Variants in DSCAML1 observed in about 807,000 individuals in gnomAD.
The protein encoded by DSCAML1 is DS cell adhesion molecule like 1, also known as cell adhesion molecule DSCAML1.
Under a neutral mutation model 200.5 loss-of-function variants are expected in DSCAML1, and 38 were observed. That is an observed-to-expected ratio of 0.19 (90% CI 0.15 to 0.25). The LOEUF (loss-of-function observed/expected upper bound fraction) is 0.25, where lower values mean the gene tolerates loss of function less well. DSCAML1 is among the 10% of genes least tolerant of loss of function. The pLI, the probability that DSCAML1 is intolerant of heterozygous loss-of-function variation, is 1.00. For missense variants in DSCAML1, 2,223 were observed against 2,858.8 expected, an observed-to-expected ratio of 0.78 and a Z score of 5.07; for synonymous variants, 1,215 against 1,165.0, an observed-to-expected ratio of 1.04 and a Z score of -0.87.
intron 3 of DSCAML1, among the ~76,000 whole-genome samples, chr11:117,695,519 C>T (rs914601400): frequency 1.3e-5 from 2 of 151,858 alleles, no homozygotes. Context: ...AGAGCTCAGG[C>T]CAGAGCAAGT....
At chr11:117,718,425 T>A (rs2137788274) in intron 3 of DSCAML1, among the ~76,000 whole-genome samples, 1 of 152,322 alleles carries the variant, frequency 6.6e-6, no homozygotes, top group Admixed American at 6.5e-5. Context: ...ATAGGTGCAG[T>A]ATCTTTGGCC....
intron 3 of DSCAML1, among the ~76,000 whole-genome samples, chr11:117,764,752 G>A (rs896941247): frequency 1.3e-5 from 2 of 152,202 alleles, no homozygotes; most frequent in African/African-American, 2.4e-5. Context: ...CTAGGCCTGG[G>A]CAGTAGCAGC....
intron 3 of DSCAML1, among the ~76,000 whole-genome samples, chr11:117,540,780 A>C (rs186492196): frequency 6.6e-6 from 1 of 152,250 alleles, no homozygotes; most frequent in Non-Finnish European, 1.5e-5. Flanking sequence ...AACATGGCAC[A>C]TGTATGCCTC....
At chr11:117,509,159 T>C (rs934622094) in intron 8 of DSCAML1, among the ~76,000 whole-genome samples, 5 of 152,012 alleles carry the variant, frequency 3.3e-5, no homozygotes, top group African/African-American at 2.4e-5. Flanking sequence ...GATATACAGA[T>C]GCTGAGCTCA....
Position 117,468,787 on chromosome 11 carries a change from C to T in DSCAML1, c.3024+1123G>A, listed in dbSNP as rs894262638. Among the ~76,000 whole-genome samples, 12 of 152,262 alleles carry T rather than the reference C, an allele frequency of 7.9e-5. 1 individual carries two copies. Among genetic ancestry groups the T allele is most frequent in the Non-Finnish European group, 1.2e-4 (8 of 68,026 alleles). On this transcript the variant is annotated intron_variant, in intron 16 of 32. Transcript: ENST00000651296. ...GTGTGTGAGTGTGAGTGTGAGTGTG[C>T]GTGCACATGGTCTTAGGAAAAATAT...
At chr11:117,680,183 A>G (rs2053287687) in intron 3 of DSCAML1, among the ~76,000 whole-genome samples, 1 of 152,192 alleles carries the variant, frequency 6.6e-6, no homozygotes, top group Non-Finnish European at 1.5e-5. Context: ...CTCCTGAGCT[A>G]GAATGTGGCA....
At chr11:117,685,380 C>T (rs771891748) in intron 3 of DSCAML1, among the ~76,000 whole-genome samples, 17 of 152,328 alleles carry the variant, frequency 1.1e-4, no homozygotes, top group East Asian at 1.9e-4. Context: ...TAATTCCTTA[C>T]CTCCTCTCCC....
chr11:117,777,017 G>A (rs1477175474), intron 2 of DSCAML1, 80 bp from the exon 3 acceptor site: 1 of 1,445,384 alleles, frequency 6.9e-7, no homozygotes, highest in African/African-American at 1.4e-5. Flanking sequence ...CAGGGAGTCA[G>A]CTCAACTCCC....
chr11:117,816,418 T>C (rs2134093257), intron 1 of DSCAML1, among the ~76,000 whole-genome samples: 1 of 152,314 alleles, frequency 6.6e-6, no homozygotes, highest in Non-Finnish European at 1.5e-5. Flanking sequence ...TGGCCAGGCA[T>C]TTGTCAGGCA....
chr11:117,726,251 CTGTG>C (rs374321961), intron 3 of DSCAML1, among the ~76,000 whole-genome samples: 1 of 149,174 alleles, frequency 6.7e-6, no homozygotes, highest in Non-Finnish European at 1.5e-5. Flanking sequence ...GTGTGTATCT[CTGTG>C]TGTGTGTGTG....
chr11:117,734,664 G>A (rs761833780), intron 3 of DSCAML1, among the ~76,000 whole-genome samples: 8 of 152,154 alleles, frequency 5.3e-5, no homozygotes, highest in Non-Finnish European at 1.0e-4. Flanking sequence ...TCTGTTTCCT[G>A]TTCTCTTTTG....
At chr11:117,499,756 G>T (rs945603515) in intron 11 of DSCAML1, among the ~76,000 whole-genome samples, 4 of 152,226 alleles carry the variant, frequency 2.6e-5, no homozygotes, top group Admixed American at 2.6e-4. Flanking sequence ...TCAGGGAGGA[G>T]TGGGGACCAC....
chr11:117,591,602 C>A (rs554444577), intron 3 of DSCAML1, among the ~76,000 whole-genome samples: 1 of 152,208 alleles, frequency 6.6e-6, no homozygotes, highest in African/African-American at 2.4e-5. Flanking sequence ...GATTTATGCA[C>A]CTGGGTGGCA....
intron 3 of DSCAML1, among the ~76,000 whole-genome samples, chr11:117,671,696 T>C (rs1001593471): frequency 6.6e-6 from 1 of 152,180 alleles, no homozygotes; most frequent in African/African-American, 2.4e-5. Flanking sequence ...TCAAAAGCAA[T>C]GCTCAGATCC....
At chr11:117,670,017 G>A (rs1173141319) in intron 3 of DSCAML1, among the ~76,000 whole-genome samples, 1 of 152,346 alleles carries the variant, frequency 6.6e-6, no homozygotes, top group East Asian at 1.9e-4. Context: ...AAACTTTCTG[G>A]CTCCTAAGTT....
intron 3 of DSCAML1, among the ~76,000 whole-genome samples, chr11:117,600,048 G>C (rs1434137430): frequency 6.6e-6 from 1 of 152,198 alleles, no homozygotes; most frequent in East Asian, 1.9e-4. Flanking sequence ...AAACACTGGG[G>C]ATAACAGCCA....
chr11:117,610,551 T>C (rs1221519585), intron 3 of DSCAML1, among the ~76,000 whole-genome samples: 1 of 151,902 alleles, frequency 6.6e-6, no homozygotes, highest in Non-Finnish European at 1.5e-5. Flanking sequence ...GAACAGACGG[T>C]GGGGAGGAAG....
At chr11:117,532,546 T>G (rs1174851238) in intron 3 of DSCAML1, 24 bp from the exon 4 acceptor site, 1 of 1,605,850 alleles carries the variant, frequency 6.2e-7, no homozygotes, top group Non-Finnish European at 8.5e-7. Context: ...CAGGACATAG[T>G]TCGTTACTTC....
At chr11:117,439,735 A>C in intron 22 of DSCAML1, 84 bp downstream of exon 22, 3 of 1,296,608 alleles carry the variant, frequency 2.3e-6, no homozygotes, top group Non-Finnish European at 3.3e-6. Flanking sequence ...ACCAGGCAGG[A>C]GGGCCCCAGA....
Sources: gnomAD v4.1 joint callset for allele counts (sites outside exome capture counted in the v4.1 genomes callset) on GRCh38, gnomAD v4.1.1 for gene constraint, MANE v1.5 for transcripts, NCBI Gene and HGNC (gene_info 2026-07-23, HGNC 2026-07-21) for gene names.